The following UBE4B variants were observed in gnomAD, a reference collection of about 807,000 sequenced individuals.
UBE4B encodes ubiquitination factor E4B.
UBE4B carries 27 observed loss-of-function variants against 148.1 expected under a neutral mutation model. The observed-to-expected ratio is 0.18, with a 90% CI of 0.13 to 0.25. The LOEUF (loss-of-function observed/expected upper bound fraction) is 0.25, where lower values mean the gene tolerates loss of function less well. Ranked by LOEUF, UBE4B falls within the 10% of genes least tolerant of loss-of-function variation. The pLI, the probability that UBE4B is intolerant of heterozygous loss-of-function variation, is 1.00. For missense variants in UBE4B, 1,170 were observed against 1,662.4 expected (o/e 0.70, Z 5.15); for synonymous variants, 596 against 619.3 (o/e 0.96, Z 0.56).
At chr1:10,034,804 G>A (rs957872772) in intron 1 of UBE4B, among the ~76,000 whole-genome samples, 11 of 152,304 alleles carry the variant, frequency 7.2e-5, no homozygotes, top group African/African-American at 2.2e-4. Context: ...GGGTCAGGTA[G>A]GAAAGGAAGC....
Position 10,047,668 on chromosome 1 carries a change from A to G in UBE4B, c.24+13974A>G, listed in dbSNP as rs112322184. ...CCACCACACCTGGCTAATTTTTTCT[A>G]TTTTTAGTAGAGATGGGGTTTCACC... On this transcript the variant is annotated intron_variant, in intron 1 of 27. Transcript: ENST00000343090. Among the ~76,000 whole-genome samples the G allele has an allele frequency of 7.0e-3, 1,062 of 151,290 alleles. 3 individuals are homozygous for G. Among genetic ancestry groups the G allele is most frequent in the Middle Eastern group, 0.014 (4 of 294 alleles).
rs113950298 is a variant in UBE4B, at chr1:10,142,044, AT to A, written c.2364-2885del. Reference sequence around the variant, plus strand: ...AAGAATTTAAAATCTGAAGCCTGTCATTTTTTTTTTTCTATAAGCTCCACCA... The same window carrying A: ...AAGAATTTAAAATCTGAAGCCTGTCATTTTTTTTTTCTATAAGCTCCACCA... On this transcript the variant is annotated intron_variant, in intron 17 of 27. Transcript: ENST00000343090. 5.7e-3 allele frequency among the ~76,000 whole-genome samples: 843 copies of A among 148,436 alleles called. 12 individuals carry two copies. The highest frequency in any genetic ancestry group is 0.019 in the African/African-American group (796 of 40,854).
chr1:10,043,171 G>A (rs768390480), intron 1 of UBE4B, among the ~76,000 whole-genome samples: 6 of 151,460 alleles, frequency 4.0e-5, no homozygotes, highest in Admixed American at 1.3e-4. Context: ...CACCATGCCC[G>A]GCTAATTTTG....
At chr1:10,142,841 C>T (rs974498007) in intron 17 of UBE4B, among the ~76,000 whole-genome samples, 1 of 152,012 alleles carries the variant, frequency 6.6e-6, no homozygotes, top group Non-Finnish European at 1.5e-5. Context: ...ATCTCCTTCG[C>T]TTGCCTGGTG....
intron 1 of UBE4B, 76 bp from the exon 2 acceptor site, chr1:10,071,952 T>A (rs1027473932): frequency 1.4e-6 from 2 of 1,440,896 alleles, no homozygotes; most frequent in Non-Finnish European, 1.8e-6. Context: ...GGTTTGGTTA[T>A]GAATAATGTC....
chr1:10,143,484 T>G (rs1436317694), intron 17 of UBE4B, among the ~76,000 whole-genome samples: 1 of 152,212 alleles, frequency 6.6e-6, no homozygotes, highest in Non-Finnish European at 1.5e-5. Context: ...TCTCTGTCTC[T>G]GAGTCCTTTT....
intron 1 of UBE4B, 97 bp from the exon 2 acceptor site, chr1:10,071,931 T>C: frequency 8.0e-7 from 1 of 1,246,342 alleles, no homozygotes; most frequent in East Asian, 2.8e-5. Context: ...CATATTGAGT[T>C]GTTAAACTCT....
At chr1:10,080,585 A>T (rs1644662637) in intron 2 of UBE4B, among the ~76,000 whole-genome samples, 1 of 152,212 alleles carries the variant, frequency 6.6e-6, no homozygotes, top group Non-Finnish European at 1.5e-5. Context: ...ATTAAGATTC[A>T]TATGCTGAAG....
chr1:10,097,426 T>C (rs1644946292), intron 3 of UBE4B, among the ~76,000 whole-genome samples: 1 of 152,208 alleles, frequency 6.6e-6, no homozygotes, highest in Non-Finnish European at 1.5e-5. Context: ...AGAGATTTCC[T>C]TCTGCTCACT....
rs943155018 is a variant in UBE4B, at chr1:10,161,682, C to T, written c.3198+396C>T. ...TCTCTAGGCAACTGTGTGAATCACT[C>T]AGGATCCTGGCGGGGTGTTTTTTCC... On this transcript the variant is annotated intron_variant, in intron 23 of 27. Transcript: ENST00000343090. The surrounding 1 kb of genome is among the most constrained non-coding windows in gnomAD (Gnocchi z 4.1). Among the ~76,000 whole-genome samples the T allele has an allele frequency of 1.3e-5, 2 of 152,156 alleles. No homozygotes were observed. Among genetic ancestry groups the T allele is most frequent in the African/African-American group, 4.8e-5 (2 of 41,432 alleles).
chr1:10,069,398 TA>T (rs1240515258), intron 1 of UBE4B, among the ~76,000 whole-genome samples: 1 of 152,108 alleles, frequency 6.6e-6, no homozygotes, highest in South Asian at 2.1e-4. Context: ...AAACTTCAAT[TA>T]GGGGGATGGT....
At chr1:10,039,596 AT>A (rs34204373) in intron 1 of UBE4B, among the ~76,000 whole-genome samples, 5,246 of 137,308 alleles carry the variant, frequency 0.038, 109 homozygotes, top group Middle Eastern at 0.063. Context: ...TGCCCTGCTG[AT>A]TTTTTTTTTT....
chr1:10,092,700 T>C (rs1347753595), intron 2 of UBE4B, among the ~76,000 whole-genome samples: 1 of 152,022 alleles, frequency 6.6e-6, no homozygotes, highest in African/African-American at 2.4e-5. Flanking sequence ...TGGTGGCGCA[T>C]GCCTGTAATC....
intron 1 of UBE4B, among the ~76,000 whole-genome samples, chr1:10,053,221 T>TC (rs1644087904): frequency 6.8e-6 from 1 of 147,206 alleles, no homozygotes; most frequent in African/African-American, 2.5e-5. Context: ...CGATCTCGGC[T>TC]CGCTGCAAGC....
chr1:10,043,339 A>C (rs1396851355), intron 1 of UBE4B, among the ~76,000 whole-genome samples: 1 of 150,670 alleles, frequency 6.6e-6, no homozygotes, highest in South Asian at 2.1e-4. Flanking sequence ...TGAGATCTCA[A>C]CTGTTTTTCA....
intron 20 of UBE4B, among the ~76,000 whole-genome samples, chr1:10,150,852 T>A (rs867579008): frequency 3.7e-5 from 5 of 135,520 alleles, no homozygotes; most frequent in South Asian, 4.7e-4. Context: ...ACAGCGAGGC[T>A]CCATCTCAAG....
chr1:10,137,026 T>C, intron 16 of UBE4B, 41 bp from the exon 17 acceptor site: 2 of 1,610,388 alleles, frequency 1.2e-6, no homozygotes, highest in South Asian at 1.1e-5. Context: ...GATTGAGACA[T>C]GTAATAGATT....
intron 2 of UBE4B, among the ~76,000 whole-genome samples, chr1:10,092,268 A>G (rs986439268): frequency 6.6e-6 from 1 of 152,086 alleles, no homozygotes; most frequent in Non-Finnish European, 1.5e-5. Flanking sequence ...TCTGTCACCC[A>G]GGCCGGAGTG....
At chr1:10,066,308 G>T (rs898578180) in intron 1 of UBE4B, among the ~76,000 whole-genome samples, 1 of 115,806 alleles carries the variant, frequency 8.6e-6, no homozygotes, top group Non-Finnish European at 1.7e-5. Flanking sequence ...TTGTGGGATT[G>T]GGGGGGGAGG....
Sources: allele counts gnomAD v4.1 joint callset (sites outside exome capture counted in the v4.1 genomes callset), GRCh38; gene constraint gnomAD v4.1.1; non-coding constraint Gnocchi (gnomAD v3.1); transcripts MANE v1.5; gene names NCBI Gene and HGNC (gene_info 2026-07-23, HGNC 2026-07-21).